Variants in PTPRM observed in about 807,000 individuals in gnomAD.
PTPRM encodes the protein receptor-type tyrosine-protein phosphatase mu.
In PTPRM, 47 loss-of-function variants were observed where a neutral mutation model predicts 186.7. The ratio of observed to expected loss-of-function variants is 0.25; its 90% CI spans 0.20 to 0.32. PTPRM has a LOEUF of 0.32. PTPRM is among the 10% of genes least tolerant of loss of function. The pLI is 1.00. For missense variants in PTPRM, 1,494 were observed against 1,865.0 expected (o/e 0.80, Z 3.66); for synonymous variants, 668 against 674.9 (o/e 0.99, Z 0.16).
intron 1 of PTPRM, among the ~76,000 whole-genome samples, chr18:7,765,817 C>T (rs1202042545): frequency 6.6e-6 from 1 of 152,050 alleles, no homozygotes; most frequent in African/African-American, 2.4e-5. Context: ...TGGGGTCATT[C>T]TGTATTTGGA....
chr18:7,876,703 A>G lies in PTPRM; in HGVS notation c.197-11403A>G, dbSNP rs536605457. The stretch of plus-strand genomic sequence containing the variant: ...TTCACATGTTGTTCCTTTCTCTGCT[A>G]TCTTAGGTTTATTTAGCTCTGCTAT... On this transcript the variant is annotated intron_variant, in intron 2 of 32. Coordinates refer to ENST00000580170, the MANE Select transcript of PTPRM (RefSeq NM_001105244.2). 3.6e-4 allele frequency among the ~76,000 whole-genome samples: 55 copies of G among 152,308 alleles called. 1 individual carries two copies. The South Asian group carries it at 0.011, about 32-fold the overall frequency.
intron 2 of PTPRM, among the ~76,000 whole-genome samples, chr18:7,795,647 C>T (rs557048354): frequency 2.0e-5 from 3 of 152,126 alleles, no homozygotes; most frequent in African/African-American, 7.2e-5. Context: ...CTTCTGCCTT[C>T]CTATTGGTAC....
chr18:7,751,752 T>C (rs1401641411), intron 1 of PTPRM, among the ~76,000 whole-genome samples: 1 of 152,230 alleles, frequency 6.6e-6, no homozygotes, highest in Admixed American at 6.5e-5. Context: ...AGGCACCTAA[T>C]ATACATCTGG....
intron 19 of PTPRM, among the ~76,000 whole-genome samples, chr18:8,273,475 C>T (rs1316684741): frequency 6.6e-6 from 1 of 152,212 alleles, no homozygotes; most frequent in Admixed American, 6.5e-5. Context: ...TCCTTTGCTA[C>T]TGCCCTGGGC....
chr18:7,745,596 A>T (rs1264103943), intron 1 of PTPRM, among the ~76,000 whole-genome samples: 1 of 152,216 alleles, frequency 6.6e-6, no homozygotes, highest in African/African-American at 2.4e-5. Context: ...CATCACAATT[A>T]CTGATTAGAT....
At chr18:8,389,894 G>A (rs1195824291) in intron 31 of PTPRM, among the ~76,000 whole-genome samples, 1 of 152,124 alleles carries the variant, frequency 6.6e-6, no homozygotes, top group African/African-American at 2.4e-5. Flanking sequence ...GAAGTGAATG[G>A]TTCCTTGAGC....
chr18:7,739,793 G>T (rs1467820947), intron 1 of PTPRM, among the ~76,000 whole-genome samples: 1 of 152,200 alleles, frequency 6.6e-6, no homozygotes, highest in Non-Finnish European at 1.5e-5. Flanking sequence ...TATCACCTAT[G>T]CTGGTGGGGT....
intron 7 of PTPRM, among the ~76,000 whole-genome samples, chr18:8,021,614 G>A (rs2085242205): frequency 6.6e-6 from 1 of 152,120 alleles, no homozygotes; most frequent in Admixed American, 6.6e-5. Context: ...GTTTGAACAT[G>A]CTGTGTTTGG....
At chr18:7,933,341 T>C (rs1212682654) in intron 5 of PTPRM, among the ~76,000 whole-genome samples, 1 of 152,232 alleles carries the variant, frequency 6.6e-6, no homozygotes, top group East Asian at 1.9e-4. Context: ...AAGAATCTTC[T>C]ATACTTCAAA....
chr18:8,219,842 A>G (rs964553995), intron 14 of PTPRM, among the ~76,000 whole-genome samples: 2 of 152,230 alleles, frequency 1.3e-5, no homozygotes, highest in Non-Finnish European at 2.9e-5. Flanking sequence ...AGTGGCTTGC[A>G]GGCATGACTT....
At chr18:7,891,026 C>G (rs369759490) in intron 3 of PTPRM, among the ~76,000 whole-genome samples, 8 of 151,826 alleles carry the variant, frequency 5.3e-5, no homozygotes, top group African/African-American at 1.9e-4. Context: ...CCTGTAATCC[C>G]AGCACTTTGG....
chr18:7,662,925 C>G (rs1172446565), intron 1 of PTPRM, among the ~76,000 whole-genome samples: 1 of 152,074 alleles, frequency 6.6e-6, no homozygotes, highest in Non-Finnish European at 1.5e-5. Context: ...TGCTGAGGAC[C>G]ATGTCTTCAT....
intron 20 of PTPRM, among the ~76,000 whole-genome samples, chr18:8,312,714 A>C: frequency 6.6e-6 from 1 of 151,980 alleles, no homozygotes; most frequent in Non-Finnish European, 1.5e-5. Flanking sequence ...AGCGATTCTC[A>C]CCCACACACT....
chr18:8,245,975 A>C (rs950470925), intron 15 of PTPRM, among the ~76,000 whole-genome samples: 8 of 152,246 alleles, frequency 5.3e-5, no homozygotes, highest in Non-Finnish European at 1.0e-4. Context: ...GAGCTTCCAC[A>C]ACTGATCGGC....
rs761067100 is a variant in PTPRM, at chr18:7,865,897, C to T, written c.197-22209C>T. Among the ~76,000 whole-genome samples the T allele has an allele frequency of 5.3e-5, 8 of 152,194 alleles. No individual in the cohort carries two copies. In the South Asian group the frequency reaches 6.2e-4, roughly 12 times the overall value. On this transcript the variant is annotated intron_variant, in intron 2 of 32. Coordinates refer to ENST00000580170, the MANE Select transcript of PTPRM (RefSeq NM_001105244.2). ...GATCTATTCAGGGATTTGACTTCTTCGTGGTTTAGACTTGGGAGGGTGTAT... is the reference window on the plus strand; with the variant it reads ...GATCTATTCAGGGATTTGACTTCTTTGTGGTTTAGACTTGGGAGGGTGTAT...
chr18:7,985,034 AAT>A, intron 7 of PTPRM, among the ~76,000 whole-genome samples: 1 of 124,090 alleles, frequency 8.1e-6, no homozygotes, highest in Non-Finnish European at 1.6e-5. Flanking sequence ...TACATATATA[AAT>A]ATATACATAT....
intron 1 of PTPRM, among the ~76,000 whole-genome samples, chr18:7,704,687 T>G (rs922169972): frequency 6.6e-6 from 1 of 152,118 alleles, no homozygotes; most frequent in African/African-American, 2.4e-5. Context: ...CACTGGGGAT[T>G]AAGGATGAGT....
chr18:8,308,379 G>A (rs1189886641), intron 20 of PTPRM, among the ~76,000 whole-genome samples: 1 of 152,108 alleles, frequency 6.6e-6, no homozygotes, highest in Non-Finnish European at 1.5e-5. Context: ...CCTAGCACAT[G>A]GTCCAATAGA....
At chr18:7,920,483 C>T (rs992115513) in intron 4 of PTPRM, among the ~76,000 whole-genome samples, 1 of 152,080 alleles carries the variant, frequency 6.6e-6, no homozygotes, top group Non-Finnish European at 1.5e-5. Flanking sequence ...TGCTTTTATG[C>T]TTTAACTCCA....
Sources: gnomAD v4.1 joint callset for allele counts (sites outside exome capture counted in the v4.1 genomes callset) on GRCh38, gnomAD v4.1.1 for gene constraint, MANE v1.5 for transcripts, NCBI Gene and HGNC (gene_info 2026-07-23, HGNC 2026-07-21) for gene names.